Variants in TPP2 observed in about 807,000 individuals in gnomAD.
TPP2 encodes tripeptidyl-peptidase 2.
Under a neutral mutation model 155.9 loss-of-function variants are expected in TPP2, and 34 were observed. The observed-to-expected ratio is 0.22, with a 90% CI of 0.17 to 0.29. The LOEUF (loss-of-function observed/expected upper bound fraction) is 0.29. Ranked by LOEUF, TPP2 falls within the 10% of genes least tolerant of loss-of-function variation. The probability of loss-of-function intolerance (pLI) is 1.00; values close to 1 mark genes in which losing one functional copy is unlikely to be tolerated. For missense variants in TPP2, 1,028 were observed against 1,522.3 expected, an observed-to-expected ratio of 0.68 and a Z score of 5.40; for synonymous variants, 510 against 529.4, an observed-to-expected ratio of 0.96 and a Z score of 0.50.
chr13:102,625,455 C>T (rs1321149974), intron 6 of TPP2, among the ~76,000 whole-genome samples: 18 of 152,108 alleles, frequency 1.2e-4, no homozygotes, highest in Non-Finnish European at 2.9e-5. Flanking sequence ...TGAGCCACTG[C>T]GCCCGGCCTT....
In TPP2 at chr13:102,643,309, G is replaced by A. The variant is rs1882890938; in HGVS notation, c.2108G>A (p.Ser703Asn). 1 of 1,613,168 alleles carries A rather than the reference G, an allele frequency of 6.2e-7. No homozygotes were observed. The highest frequency in any genetic ancestry group is 8.5e-7 in the Non-Finnish European group (1 of 1,179,692). Residue 703 changes from serine (S) to asparagine (N), a missense_variant, in exon 17 of 30, where the codon AGC (serine) becomes AAC (asparagine). By Grantham distance (46) the Ser-to-Asn change is conservative. Around this residue, in one of 7 missense-constraint regions of TPP2, gnomAD observed 325 missense variants for 463.7 expected, o/e 0.70. Transcript: ENST00000376052. Reference protein sequence around the residue: ...VQLVKQRAYRSHEFYKFCSLP... With the variant: ...VQLVKQRAYRNHEFYKFCSLP... ...CTTGTGAAGCAAAGAGCATATCGAA[G>A]CCATGAATTCTATAAGTTTTGTTCT...
At chr13:102,630,313 T>C in intron 10 of TPP2, 118 bp downstream of exon 10, 1 of 653,432 alleles carries the variant, frequency 1.5e-6, no homozygotes, top group Non-Finnish European at 2.5e-6. Context: ...TACTTTTTTT[T>C]CAGTATTTTC....
At chr13:102,615,166 A>G (rs995137203) in intron 3 of TPP2, among the ~76,000 whole-genome samples, 3 of 152,234 alleles carry the variant, frequency 2.0e-5, no homozygotes, top group Non-Finnish European at 2.9e-5. Context: ...ACAAACAAGA[A>G]TAATGCGTAT....
chr13:102,647,951 A>G (rs1193671701), intron 21 of TPP2, among the ~76,000 whole-genome samples: 1 of 152,210 alleles, frequency 6.6e-6, no homozygotes, highest in Non-Finnish European at 1.5e-5. Flanking sequence ...TGACAAATGA[A>G]AATAATTTAT....
rs765579940 is a variant in TPP2, at chr13:102,674,322, T to C, written c.3411T>C (p.Leu1137=). The C allele has an allele frequency of 2.5e-6, 4 of 1,613,776 alleles. No homozygotes were observed. Among genetic ancestry groups the C allele is most frequent in the East Asian group, 4.5e-5 (2 of 44,876 alleles). ...AAAAATCCACCCTCGTAGATGCCCTTTGTAGGAAAGGTTGTGCCCTGGCAG... is the reference window on the plus strand; with the variant it reads ...AAAAATCCACCCTCGTAGATGCCCTCTGTAGGAAAGGTTGTGCCCTGGCAG... The part of the protein sequence containing the change: ...DKQKSTLVDA[L]CRKGCALADH... Residue 1137 remains leucine (L), a synonymous_variant, in exon 28 of 30, where the codon CTT becomes CTC. Coordinates refer to ENST00000376052, the MANE Select transcript of TPP2 (RefSeq NM_001330588.2).
intron 29 of TPP2, among the ~76,000 whole-genome samples, chr13:102,676,795 A>G (rs1387147046): frequency 6.6e-6 from 1 of 152,198 alleles, no homozygotes; most frequent in Non-Finnish European, 1.5e-5. Context: ...TTTATTCTTC[A>G]TTTGAGATGG....
intron 2 of TPP2, among the ~76,000 whole-genome samples, chr13:102,608,804 G>T (rs1264021633): frequency 6.7e-6 from 1 of 150,182 alleles, no homozygotes; most frequent in Non-Finnish European, 1.5e-5. Flanking sequence ...CTCTTTCTCT[G>T]CCTCCTCTTC....
intron 11 of TPP2, 110 bp from the exon 12 acceptor site, chr13:102,635,477 A>G (rs1191940538): frequency 4.3e-6 from 3 of 694,698 alleles, no homozygotes; most frequent in African/African-American, 1.8e-5. Flanking sequence ...TGAGTGTTAG[A>G]ACACAAGACA....
At chr13:102,632,838 TC>T (rs1334663696) in intron 10 of TPP2, among the ~76,000 whole-genome samples, 2 of 152,224 alleles carry the variant, frequency 1.3e-5, no homozygotes, top group African/African-American at 4.8e-5. Context: ...ATGACACTGT[TC>T]AGGCACTTTT....
chr13:102,658,194 C>A (rs746172379), intron 25 of TPP2, among the ~76,000 whole-genome samples: 5 of 152,102 alleles, frequency 3.3e-5, no homozygotes, highest in African/African-American at 4.8e-5. Context: ...TGCAATATTT[C>A]TTTTACTGCT....
At chr13:102,643,506 C>CA (rs1475109350) in intron 17 of TPP2, 130 bp downstream of exon 17, 25 of 941,462 alleles carry the variant, frequency 2.7e-5, no homozygotes, top group South Asian at 1.4e-4. Context: ...TTTTTAATGC[C>CA]AAAAAAATGA....
At chr13:102,610,955 C>T (rs945386914) in intron 2 of TPP2, among the ~76,000 whole-genome samples, 2 of 152,092 alleles carry the variant, frequency 1.3e-5, no homozygotes, top group Non-Finnish European at 2.9e-5. Flanking sequence ...GATAATCATT[C>T]CTTTGCTTTT....
Position 102,616,407 on chromosome 13 carries a change from G to A in TPP2, c.402G>A (p.Lys134=), listed in dbSNP as rs1232852793. 9 of 1,609,592 alleles carry A rather than the reference G, an allele frequency of 5.6e-6. No homozygotes were observed. The highest frequency in any genetic ancestry group is 7.6e-6 in the Non-Finnish European group (9 of 1,178,464). The change falls in exon 4 of 30, where the codon AAG becomes AAA. Residue 134 remains lysine, a synonymous_variant. Coordinates refer to ENST00000376052, the MANE Select transcript of TPP2 (RefSeq NM_001330588.2). ...TTCTGTCTTTGCAGAAAGAACGGAA[G>A]GAAAAAATCTGGGACCCTGTTCACA... The part of the protein sequence containing the change: ...ALKERIQKER[K]EKIWDPVHRV...
At chr13:102,665,288 T>C (rs1237618088) in intron 27 of TPP2, among the ~76,000 whole-genome samples, 1 of 152,182 alleles carries the variant, frequency 6.6e-6, no homozygotes, top group Non-Finnish European at 1.5e-5. Context: ...TATTGTCCAG[T>C]AACATGAAAA....
chr13:102,623,296 G>A (rs1881303839), intron 6 of TPP2, among the ~76,000 whole-genome samples: 1 of 152,188 alleles, frequency 6.6e-6, no homozygotes, highest in Non-Finnish European at 1.5e-5. Context: ...GGGTGCAGTG[G>A]CTCATGCCTG....
At chr13:102,652,212 C>T (rs1417049653) in intron 24 of TPP2, among the ~76,000 whole-genome samples, 1 of 151,638 alleles carries the variant, frequency 6.6e-6, no homozygotes, top group African/African-American at 2.4e-5. Context: ...CCTGTCTCTA[C>T]AAAAAAATGC....
At chr13:102,634,784 A>G (rs1236841741) in intron 11 of TPP2, among the ~76,000 whole-genome samples, 1 of 152,154 alleles carries the variant, frequency 6.6e-6, no homozygotes, top group Non-Finnish European at 1.5e-5. Context: ...CACTCTTAGG[A>G]TGGATCCTAA....
At chr13:102,626,364 C>T (rs933273747) in intron 6 of TPP2, among the ~76,000 whole-genome samples, 7 of 152,100 alleles carry the variant, frequency 4.6e-5, no homozygotes, top group African/African-American at 1.7e-4. Flanking sequence ...GTATAATTGT[C>T]AGTTCTATGA....
At chr13:102,661,897 A>G (rs1158489857) in intron 25 of TPP2, among the ~76,000 whole-genome samples, 1 of 152,206 alleles carries the variant, frequency 6.6e-6, no homozygotes, top group Non-Finnish European at 1.5e-5. Context: ...CTTAGTTTCC[A>G]TATGGCCCAG....
Sources: gnomAD v4.1 joint callset for allele counts (sites outside exome capture counted in the v4.1 genomes callset) on GRCh38, gnomAD v4.1.1 for gene constraint, gnomAD v4.1.1 regional missense constraint, MANE v1.5 for transcripts, NCBI Gene and HGNC (gene_info 2026-07-23, HGNC 2026-07-21) for gene names.